Variants in MAP4 observed in about 807,000 individuals in gnomAD.
MAP4 encodes the protein microtubule-associated protein 4.
In MAP4, 76 loss-of-function variants were observed where a neutral mutation model predicts 170.2. The ratio of observed to expected loss-of-function variants is 0.45; its 90% CI spans 0.37 to 0.54. The LOEUF (loss-of-function observed/expected upper bound fraction) is 0.54. MAP4 is among the 20% of genes least tolerant of loss of function. The pLI is 0.00. For synonymous variants in MAP4, 909 were observed against 994.5 expected (o/e 0.91, Z 1.62); for missense variants, 2,506 against 2,748.0 (o/e 0.91, Z 1.97).
chr3:47,966,183 C>A (rs565001598), intron 3 of MAP4, among the ~76,000 whole-genome samples: 1 of 149,120 alleles, frequency 6.7e-6, no homozygotes, highest in Non-Finnish European at 1.5e-5. Context: ...AAAGGATCCT[C>A]CTGCCTCAGT....
intron 1 of MAP4, among the ~76,000 whole-genome samples, chr3:48,043,699 TAAG>T (rs1388221991): frequency 1.3e-5 from 2 of 152,104 alleles, no homozygotes; most frequent in Admixed American, 6.5e-5. Context: ...CCCTAAAAAC[TAAG>T]AAGAAAAATT....
At chr3:47,922,030 C>T (rs2100043197) in intron 4 of MAP4, 152 bp from the exon 5 acceptor site, 2 of 544,610 alleles carry the variant, frequency 3.7e-6, no homozygotes, top group Non-Finnish European at 6.6e-6. Flanking sequence ...TCACTGCAAC[C>T]TCTACCTCCC....
chr3:47,886,265 C>T (rs1577071104), intron 10 of MAP4, among the ~76,000 whole-genome samples: 1 of 152,232 alleles, frequency 6.6e-6, no homozygotes. Context: ...CTCACCAAGC[C>T]CTTTCCCTTG....
At chr3:47,993,800 C>A (rs2100093787) in intron 2 of MAP4, among the ~76,000 whole-genome samples, 1 of 152,160 alleles carries the variant, frequency 6.6e-6, no homozygotes, top group African/African-American at 2.4e-5. Flanking sequence ...ATGCTCAAAG[C>A]ACTTTGTCTG....
chr3:47,948,594 G>A (rs533888459), intron 3 of MAP4, among the ~76,000 whole-genome samples: 1 of 152,104 alleles, frequency 6.6e-6, no homozygotes, highest in East Asian at 1.9e-4. Flanking sequence ...GTCATCAGAA[G>A]AGGGGTCAAT....
chr3:47,918,635 G>A (rs2100041031), intron 6 of MAP4, 84 bp downstream of exon 6: 2 of 1,074,928 alleles, frequency 1.9e-6, no homozygotes, highest in African/African-American at 3.1e-5. Flanking sequence ...CCTGCTGTAA[G>A]CTGCTAAAAA....
In MAP4 at chr3:47,976,608, T is replaced by C. The variant is rs1267065541; in HGVS notation, c.292+1257A>G. On this transcript the variant is annotated intron_variant, in intron 3 of 20. Coordinates refer to ENST00000683076, the MANE Select transcript of MAP4 (RefSeq NM_001385682.1). ...ATGTTTTCTTAAAAACCACATCACA[T>C]AGATGACTGCTTTCAAAGCAGACAC... 2.6e-5 allele frequency among the ~76,000 whole-genome samples: 4 copies of C among 152,344 alleles called. No individual in the cohort carries two copies. In the South Asian group the frequency reaches 6.2e-4, roughly 24 times the overall value.
At chr3:48,016,778 A>T (rs1383591084), upstream of MAP4, among the ~76,000 whole-genome samples, 21 of 146,470 alleles carry the variant, frequency 1.4e-4, no homozygotes, top group African/African-American at 3.0e-4. Context: ...TTCTAAAGGC[A>T]TTTTTTTTTT....
At chr3:47,906,899 G>A (rs1436800973) in intron 9 of MAP4, among the ~76,000 whole-genome samples, 1 of 150,356 alleles carries the variant, frequency 6.7e-6, no homozygotes, top group African/African-American at 2.4e-5. Context: ...GCAGTGGCGC[G>A]ATCTCGGCTC....
intron 1 of MAP4, among the ~76,000 whole-genome samples, chr3:48,075,438 T>C (rs889399294): frequency 4.6e-5 from 7 of 151,964 alleles, no homozygotes; most frequent in African/African-American, 1.7e-4. Flanking sequence ...GGCAGGAGAA[T>C]TGCTTGAACC....
chr3:47,863,937 T>TGTGTGTGTGG (rs374208589), intron 17 of MAP4, among the ~76,000 whole-genome samples: 10,863 of 138,398 alleles, frequency 0.078, 1,606 homozygotes, highest in African/African-American at 0.28. Context: ...TGTGTGTGTG[T>TGTGTGTGTGG]GGGGAGTGGT....
At chr3:47,892,012 C>A in intron 10 of MAP4, 1 of 1,536,362 alleles carries the variant, frequency 6.5e-7, no homozygotes, top group Non-Finnish European at 8.7e-7. Flanking sequence ...CCAGATCTGA[C>A]TGGCTCTTGG....
chr3:47,884,220 G>C (rs769799624), intron 10 of MAP4, among the ~76,000 whole-genome samples: 11 of 152,084 alleles, frequency 7.2e-5, no homozygotes, highest in Non-Finnish European at 1.2e-4. Context: ...AAATCCTATT[G>C]ATCTGTCCTC....
intron 10 of MAP4, among the ~76,000 whole-genome samples, chr3:47,889,455 GAGGATA>G (rs1225035558): frequency 1.3e-5 from 2 of 152,236 alleles, no homozygotes; most frequent in Non-Finnish European, 2.9e-5. Context: ...AAAGTTGCTT[GAGGATA>G]AGGATAATTT....
At chr3:48,063,343 A>G (rs2100136878) in intron 1 of MAP4, among the ~76,000 whole-genome samples, 1 of 151,934 alleles carries the variant, frequency 6.6e-6, no homozygotes. Flanking sequence ...CGCTAAGCCA[A>G]GAGGATTGCT....
intron 3 of MAP4, chr3:47,960,922 T>A: frequency 6.2e-6 from 1 of 160,962 alleles, no homozygotes. Context: ...TAGCTCTTTC[T>A]AGACTCTTTC....
At chr3:47,958,556 G>A (rs1461303145) in intron 3 of MAP4, among the ~76,000 whole-genome samples, 2 of 151,974 alleles carry the variant, frequency 1.3e-5, no homozygotes, top group Admixed American at 6.6e-5. Flanking sequence ...TCACTCTGTT[G>A]CCCAGGCTGG....
chr3:47,856,083 G>A (rs1355481666), intron 18 of MAP4, among the ~76,000 whole-genome samples: 2 of 152,204 alleles, frequency 1.3e-5, no homozygotes, highest in African/African-American at 2.4e-5. Flanking sequence ...ACTGGCCAGA[G>A]TGTGCCCATG....
At chr3:48,058,361 T>C (rs941052267) in intron 1 of MAP4, among the ~76,000 whole-genome samples, 14 of 152,166 alleles carry the variant, frequency 9.2e-5, no homozygotes, top group African/African-American at 2.4e-5. Context: ...AATTAGCATA[T>C]AGTAGGGAGT....
Sources: allele counts gnomAD v4.1 joint callset (sites outside exome capture counted in the v4.1 genomes callset), GRCh38; gene constraint gnomAD v4.1.1; transcripts MANE v1.5; gene names NCBI Gene and HGNC (gene_info 2026-07-23, HGNC 2026-07-21).